Variants in TAOK1 observed in about 807,000 individuals in gnomAD.
TAOK1 encodes the protein TAO kinase 1.
A neutral mutation model predicts 138.3 loss-of-function variants in TAOK1; 21 were observed. That is an observed-to-expected ratio of 0.15 (90% CI 0.11 to 0.22). TAOK1 has a LOEUF of 0.22. Among genes scored for constraint, TAOK1 ranks in the 10% least tolerant of loss-of-function variants. The pLI, the probability that TAOK1 is intolerant of heterozygous loss-of-function variation, is 1.00. For synonymous variants in TAOK1, 361 were observed against 398.4 expected (o/e 0.91, Z 1.12); for missense variants, 651 against 1,227.7 (o/e 0.53, Z 7.02).
rs1486021169 is a variant in TAOK1, at chr17:29,548,434, G to C, written c.*5412G>C. 6.6e-6 allele frequency: 1 copy of C among 151,852 alleles called. No homozygotes were observed. The highest frequency in any genetic ancestry group is 1.5e-5 in the Non-Finnish European group (1 of 67,942). 9.4% of individuals were successfully genotyped at this position (151,852 alleles called of 1,614,324 possible). On this transcript the variant is annotated 3_prime_UTR_variant, in exon 20 of 20. Coordinates refer to ENST00000261716, the MANE Select transcript of TAOK1 (RefSeq NM_020791.4). ...TTTTTTTTTGTATATATGTCTGTGT[G>C]ATTGTATTGTTTTGTTTCTAAATAT...
chr17:29,449,046 A>G (rs1404537011), intron 1 of TAOK1, among the ~76,000 whole-genome samples: 3 of 152,204 alleles, frequency 2.0e-5, no homozygotes, highest in Admixed American at 6.5e-5. Context: ...TTAGGTAGAT[A>G]AGAAAGAAGA....
chr17:29,514,340 T>G (rs1190285624), intron 15 of TAOK1: 1 of 152,178 alleles, frequency 6.6e-6, no homozygotes. Context: ...GCTATTTATA[T>G]TCTAAACAAT....
intron 19 of TAOK1, among the ~76,000 whole-genome samples, chr17:29,538,124 A>C (rs1462454773): frequency 6.6e-6 from 1 of 151,960 alleles, no homozygotes; most frequent in Non-Finnish European, 1.5e-5. Flanking sequence ...AAAAAAAAAA[A>C]AAAAAAGGTA....
At chr17:29,486,267 T>C (rs2031171327) in intron 8 of TAOK1, among the ~76,000 whole-genome samples, 1 of 152,098 alleles carries the variant, frequency 6.6e-6, no homozygotes, top group African/African-American at 2.4e-5. Context: ...CCAGCCTGGG[T>C]GACAGACCAA....
chr17:29,528,126 T>C (rs1468657238), intron 17 of TAOK1, among the ~76,000 whole-genome samples: 1 of 152,202 alleles, frequency 6.6e-6, no homozygotes, highest in Non-Finnish European at 1.5e-5. Context: ...CTTAGCTCAC[T>C]GCAGCCTCCA....
At chr17:29,400,493 T>C (rs888602414) in intron 1 of TAOK1, among the ~76,000 whole-genome samples, 2 of 152,166 alleles carry the variant, frequency 1.3e-5, no homozygotes, top group African/African-American at 4.8e-5. Context: ...GGAGCTCTTT[T>C]TACCATCCCT....
chr17:29,405,386 C>A (rs1264932405), intron 1 of TAOK1, among the ~76,000 whole-genome samples: 2 of 152,176 alleles, frequency 1.3e-5, no homozygotes, highest in Admixed American at 1.3e-4. Context: ...CAGTTTAATA[C>A]TCTTTTGAGA....
At chr17:29,488,504 G>C (rs1338829629) in intron 8 of TAOK1, among the ~76,000 whole-genome samples, 3 of 151,836 alleles carry the variant, frequency 2.0e-5, no homozygotes, top group Non-Finnish European at 4.4e-5. Context: ...CCCGGGAGGC[G>C]GAGGTAGTGG....
intron 19 of TAOK1, among the ~76,000 whole-genome samples, 168 bp from the exon 20 acceptor site, chr17:29,542,393 A>T (rs1040438359): frequency 6.6e-6 from 1 of 152,218 alleles, no homozygotes; most frequent in Non-Finnish European, 1.5e-5. Flanking sequence ...TAAAAACTTT[A>T]AAAATTTTTT....
chr17:29,432,609 C>T (rs1025077439), intron 1 of TAOK1, among the ~76,000 whole-genome samples: 1 of 152,096 alleles, frequency 6.6e-6, no homozygotes, highest in South Asian at 2.1e-4. Flanking sequence ...GGATTACAGG[C>T]GTGAGCCACT....
chr17:29,435,488 C>A (rs1025195691), intron 1 of TAOK1, among the ~76,000 whole-genome samples: 5 of 152,122 alleles, frequency 3.3e-5, no homozygotes, highest in African/African-American at 1.2e-4. Context: ...CTCTATTCCC[C>A]AAGGAATCTC....
rs2032405962 is a variant in TAOK1, at chr17:29,546,541, C to T, written c.*3519C>T. On this transcript the variant is annotated 3_prime_UTR_variant, in exon 20 of 20. Coordinates refer to ENST00000261716, the MANE Select transcript of TAOK1 (RefSeq NM_020791.4). ...CTGGAATAATACTATTTATTTTCACCTGTGAAAAATGACTTCATTGTACTT... is the reference window on the plus strand; with the variant it reads ...CTGGAATAATACTATTTATTTTCACTTGTGAAAAATGACTTCATTGTACTT... 1 of 151,994 alleles carries T rather than the reference C, an allele frequency of 6.6e-6. No homozygotes were observed. The highest frequency in any genetic ancestry group is 2.1e-4 in the South Asian group (1 of 4,832). 9.4% of individuals were successfully genotyped at this position (151,994 alleles called of 1,614,324 possible).
At chr17:29,409,333 A>ATATATAT (rs1348702470) in intron 1 of TAOK1, among the ~76,000 whole-genome samples, 11 of 59,054 alleles carry the variant, frequency 1.9e-4, no homozygotes, top group African/African-American at 3.3e-4. Context: ...ATATATATAT[A>ATATATAT]TTTTTTTTTT....
rs1394499027 is a variant in TAOK1, at chr17:29,408,427, G to C, written c.-95+17403G>C. On this transcript the variant is annotated intron_variant, in intron 1 of 19. Coordinates refer to ENST00000261716, the MANE Select transcript of TAOK1 (RefSeq NM_020791.4). ...GATGGGGTTTCGCCGTGTTGCCCAGGCAGGTCTCAAACTCCTGACCTCGAG... is the reference window on the plus strand; with the variant it reads ...GATGGGGTTTCGCCGTGTTGCCCAGCCAGGTCTCAAACTCCTGACCTCGAG... 4.6e-5 allele frequency among the ~76,000 whole-genome samples: 7 copies of C among 151,722 alleles called. No individual in the cohort carries two copies. In the South Asian group the frequency reaches 1.5e-3, roughly 32 times the overall value.
At chr17:29,447,202 C>G (rs895607685) in intron 1 of TAOK1, among the ~76,000 whole-genome samples, 2 of 151,904 alleles carry the variant, frequency 1.3e-5, no homozygotes, top group East Asian at 1.9e-4. Flanking sequence ...AGGCACCCAC[C>G]ACCATGTCTG....
At chr17:29,419,595 C>T (rs1460001046) in intron 1 of TAOK1, among the ~76,000 whole-genome samples, 2 of 150,832 alleles carry the variant, frequency 1.3e-5, no homozygotes, top group African/African-American at 2.4e-5. Context: ...CAGGCTCAAG[C>T]GATTCTCCAC....
At chr17:29,405,810 A>T (rs1216458148) in intron 1 of TAOK1, among the ~76,000 whole-genome samples, 2 of 152,150 alleles carry the variant, frequency 1.3e-5, no homozygotes, top group Non-Finnish European at 2.9e-5. Context: ...TTAGCCAGTA[A>T]GTTATGTAGC....
At chr17:29,426,082 G>A (rs532193601) in intron 1 of TAOK1, among the ~76,000 whole-genome samples, 1 of 152,002 alleles carries the variant, frequency 6.6e-6, no homozygotes, top group African/African-American at 2.4e-5. Context: ...GGGTTTCACT[G>A]TGTTAGCCAG....
chr17:29,534,814 G>A lies in TAOK1; in HGVS notation c.2544+514G>A, dbSNP rs151014250. 5.7e-3 allele frequency among the ~76,000 whole-genome samples: 868 copies of A among 152,230 alleles called. 35 individuals are homozygous for A. Among genetic ancestry groups the A allele is most frequent in the Admixed American group, 0.053 (815 of 15,284 alleles). On this transcript the variant is annotated intron_variant, in intron 19 of 19. Transcript: ENST00000261716. Reference sequence around the variant, plus strand: ...TAGTTCCACACAGGTGAAAAGTCAGGCTGAAAAAATGTTATTTCTAGATGC... The same window carrying A: ...TAGTTCCACACAGGTGAAAAGTCAGACTGAAAAAATGTTATTTCTAGATGC...
Sources: allele counts gnomAD v4.1 joint callset (sites outside exome capture counted in the v4.1 genomes callset), GRCh38; gene constraint gnomAD v4.1.1; transcripts MANE v1.5; gene names NCBI Gene and HGNC (gene_info 2026-07-23, HGNC 2026-07-21).